Variants in RBFOX1 observed in about 807,000 individuals in gnomAD.
RBFOX1 encodes RNA binding fox-1 homolog 1.
A neutral mutation model predicts 57.7 loss-of-function variants in RBFOX1; 8 were observed. The ratio of observed to expected loss-of-function variants is 0.14; its 90% confidence interval spans 0.08 to 0.25. The LOEUF (loss-of-function observed/expected upper bound fraction) is 0.25. Among genes scored for constraint, RBFOX1 ranks in the 10% least tolerant of loss-of-function variants. The pLI is 1.00. For missense variants in RBFOX1, 611 were observed against 548.5 expected, an observed-to-expected ratio of 1.11 and a Z score of -1.14; for synonymous variants, 326 against 222.4, an observed-to-expected ratio of 1.47 and a Z score of -4.15.
intron 4 of RBFOX1, among the ~76,000 whole-genome samples, chr16:7,206,957 C>G (rs533691863): frequency 6.6e-5 from 10 of 152,184 alleles, no homozygotes; most frequent in East Asian, 1.9e-4. Flanking sequence ...GTCCCACTTA[C>G]AGTGCACAGA....
chr16:5,575,331 C>T (rs927144870), intron 2 of RBFOX1, among the ~76,000 whole-genome samples: 1 of 152,164 alleles, frequency 6.6e-6, no homozygotes, highest in Non-Finnish European at 1.5e-5. Context: ...TCTTCATTAG[C>T]GTCATCATCA....
intron 4 of RBFOX1, among the ~76,000 whole-genome samples, chr16:7,296,349 T>C (rs1199766913): frequency 6.6e-6 from 1 of 151,600 alleles, no homozygotes; most frequent in Non-Finnish European, 1.5e-5. Flanking sequence ...AGTTTATGTG[T>C]GTATGTATGA....
intron 2 of RBFOX1, among the ~76,000 whole-genome samples, chr16:6,566,359 T>G: frequency 6.6e-6 from 1 of 152,168 alleles, no homozygotes; most frequent in East Asian, 1.9e-4. Flanking sequence ...GATGTGTAGT[T>G]ATAGTATTGT....
chr16:6,664,028 A>G (rs1331547596), intron 3 of RBFOX1, among the ~76,000 whole-genome samples: 2 of 152,226 alleles, frequency 1.3e-5, no homozygotes, highest in African/African-American at 4.8e-5. Context: ...TCTGTGTCAC[A>G]TGGACTGTGA....
intron 3 of RBFOX1, among the ~76,000 whole-genome samples, chr16:5,859,976 C>T (rs916385778): frequency 2.5e-4 from 38 of 152,188 alleles, no homozygotes; most frequent in African/African-American, 8.9e-4. Flanking sequence ...GATCCCAAAG[C>T]ACCTAGATGT....
intron 3 of RBFOX1, among the ~76,000 whole-genome samples, chr16:7,004,296 C>G (rs148038730): frequency 7.9e-5 from 12 of 152,124 alleles, no homozygotes; most frequent in African/African-American, 1.4e-4. Context: ...ATTAAATTAA[C>G]TCCATTCGGA....
intron 3 of RBFOX1, among the ~76,000 whole-genome samples, chr16:6,788,824 A>T (rs13339555): frequency 1.3e-5 from 2 of 151,948 alleles, no homozygotes; most frequent in Non-Finnish European, 2.9e-5. Context: ...CGATGTGCCA[A>T]TTTCCATCTT....
intron 2 of RBFOX1, among the ~76,000 whole-genome samples, chr16:6,553,006 T>A (rs1452388699): frequency 6.6e-6 from 1 of 152,164 alleles, no homozygotes; most frequent in Non-Finnish European, 1.5e-5. Flanking sequence ...CCCTGCAAGT[T>A]CTCTGAGGAC....
intron 3 of RBFOX1, among the ~76,000 whole-genome samples, chr16:6,843,454 T>C (rs998375184): frequency 3.3e-5 from 5 of 152,096 alleles, no homozygotes; most frequent in African/African-American, 4.8e-5. Context: ...TTTGGGAGGC[T>C]GAGGCGGGCA....
At chr16:6,022,813 G>A (rs184206184) in intron 1 of RBFOX1, among the ~76,000 whole-genome samples, 1 of 152,310 alleles carries the variant, frequency 6.6e-6, no homozygotes. Context: ...TGAACTGAAT[G>A]CACAAATACC....
intron 9 of RBFOX1, among the ~76,000 whole-genome samples, chr16:7,601,790 TAA>T (rs2095039242): frequency 6.6e-6 from 1 of 152,216 alleles, no homozygotes; most frequent in African/African-American, 2.4e-5. Flanking sequence ...ATTCTCAACT[TAA>T]AGTTACCATT....
At chr16:6,798,115 C>G (rs564374851) in intron 3 of RBFOX1, among the ~76,000 whole-genome samples, 1 of 152,150 alleles carries the variant, frequency 6.6e-6, no homozygotes, top group East Asian at 1.9e-4. Context: ...GCATCTAGCA[C>G]GCATTTAATA....
chr16:6,963,287 C>CT (rs961691264), intron 3 of RBFOX1, among the ~76,000 whole-genome samples: 116 of 148,956 alleles, frequency 7.8e-4, no homozygotes, highest in Middle Eastern at 3.4e-3. Context: ...TCAACAGTGA[C>CT]TTTTTTTTTT....
At chr16:7,468,776 T>G (rs2060998209) in intron 4 of RBFOX1, among the ~76,000 whole-genome samples, 1 of 152,082 alleles carries the variant, frequency 6.6e-6, no homozygotes, top group African/African-American at 2.4e-5. Flanking sequence ...TCCTCACCCT[T>G]GTTTCTCCAA....
intron 3 of RBFOX1, among the ~76,000 whole-genome samples, chr16:6,892,943 G>A (rs1462706895): frequency 6.6e-6 from 1 of 151,900 alleles, no homozygotes; most frequent in African/African-American, 2.4e-5. Context: ...TGTGGCGCTG[G>A]CTCCTGCTCT....
intron 3 of RBFOX1, among the ~76,000 whole-genome samples, chr16:6,876,475 C>G (rs998063065): frequency 2.0e-5 from 3 of 152,148 alleles, no homozygotes; most frequent in South Asian, 2.1e-4. Context: ...TGGTTTTTGT[C>G]ACTATTTTAT....
At position 5,709,853 on chromosome 16, in the gene RBFOX1, T is replaced by TA. The variant is rs1567430625; in HGVS notation, c.318+110892_318+110893insA. On this transcript the variant is annotated intron_variant, in intron 3 of 19. Transcript: ENST00000641259. The stretch of plus-strand genomic sequence containing the variant: ...TATATATATATATATATTTTTTTTT[T>TA]TTTTTTTTTTTTTTTTTTTTTTTTA... Among the ~76,000 whole-genome samples the TA allele has an allele frequency of 7.7e-4, 13 of 16,884 alleles. 1 individual carries two copies. Among genetic ancestry groups the TA allele is most frequent in the Admixed American group, 4.1e-3 (4 of 984 alleles). 11.1% of individuals were successfully genotyped at this position (16,884 alleles called of 152,430 possible).
At chr16:7,046,768 G>C (rs865915144) in intron 3 of RBFOX1, among the ~76,000 whole-genome samples, 1 of 151,764 alleles carries the variant, frequency 6.6e-6, no homozygotes, top group Non-Finnish European at 1.5e-5. Flanking sequence ...ATCATGCCCA[G>C]CTAATTTTTG....
intron 4 of RBFOX1, among the ~76,000 whole-genome samples, chr16:5,872,658 C>A (rs1030462422): frequency 6.6e-6 from 1 of 151,988 alleles, no homozygotes; most frequent in African/African-American, 2.4e-5. Context: ...GTTGCTTGAG[C>A]CCAGGAGGTT....
Sources: gnomAD v4.1 joint callset for allele counts (sites outside exome capture counted in the v4.1 genomes callset) on GRCh38, gnomAD v4.1.1 for gene constraint, MANE v1.5 for transcripts, NCBI Gene and HGNC (gene_info 2026-07-23, HGNC 2026-07-21) for gene names.